The following RCC1L variants were observed in gnomAD, a reference collection of about 807,000 sequenced individuals.
RCC1L encodes the protein RCC1 like.
Under a neutral mutation model 58.6 loss-of-function variants are expected in RCC1L, and 46 were observed. The ratio of observed to expected loss-of-function variants is 0.79; its 90% CI spans 0.62 to 1.00. The LOEUF (loss-of-function observed/expected upper bound fraction) is 1.00, where lower values mean the gene tolerates loss of function less well. RCC1L is among the 50% of genes least tolerant of loss of function. The pLI is 0.00. For synonymous variants in RCC1L, 281 were observed against 262.9 expected (o/e 1.07, Z -0.67); for missense variants, 636 against 623.6 (o/e 1.02, Z -0.21).
chr7:75,071,012 C>T (rs1276672231), intron 1 of RCC1L, among the ~76,000 whole-genome samples: 4 of 152,044 alleles, frequency 2.6e-5, no homozygotes, highest in African/African-American at 9.7e-5. Flanking sequence ...GTGCACACCA[C>T]GTCTGGCTAA....
chr7:75,073,458 G>A lies in RCC1L; in HGVS notation c.280C>T (p.Arg94Cys), dbSNP rs1463031520. 17 of 1,371,400 alleles carry A rather than the reference G, an allele frequency of 1.2e-5. No individual in the cohort carries two copies. The highest frequency in any genetic ancestry group is 1.5e-5 in the African/African-American group (1 of 65,234). 85.0% of individuals were successfully genotyped at this position (1,371,400 alleles called of 1,614,324 possible). Residue 94 changes from arginine (R) to cysteine (C), a missense_variant, in exon 1 of 11, where the codon CGC (arginine) becomes TGC (cysteine). Physicochemically the swap from Arg to Cys is radical, Grantham distance 180. Coordinates refer to ENST00000610322, the MANE Select transcript of RCC1L (RefSeq NM_030798.5). The stretch of plus-strand genomic sequence containing the variant: ...CGATAGGGCACGGGCTGGATCCTGC[G>A]GCGCGGTCGGGCGCCGGCGCGGGGC... The part of the protein sequence containing the change: ...PGPRAGARPR[R>C]RIQPVPYRLE...
chr7:75,067,058 T>C (rs1194536886), intron 2 of RCC1L, among the ~76,000 whole-genome samples: 2 of 152,018 alleles, frequency 1.3e-5, no homozygotes, highest in East Asian at 1.9e-4. Flanking sequence ...TCCCAGCACT[T>C]TGGGAGGCCG....
chr7:75,055,789 C>T (rs1426410909), intron 9 of RCC1L, 112 bp downstream of exon 9: 27 of 1,274,822 alleles, frequency 2.1e-5, no homozygotes, highest in Middle Eastern at 2.0e-4. Flanking sequence ...AGTACAAAGG[C>T]GCCGTTCTGT....
At chr7:75,046,011 A>T (rs1174561901) in intron 10 of RCC1L, among the ~76,000 whole-genome samples, 1 of 152,244 alleles carries the variant, frequency 6.6e-6, no homozygotes, top group African/African-American at 2.4e-5. Flanking sequence ...TACCGAGCTT[A>T]AGAGGGAAAC....
chr7:75,055,292 G>GAC (rs1468747413), intron 9 of RCC1L, among the ~76,000 whole-genome samples: 53 of 152,122 alleles, frequency 3.5e-4, no homozygotes, highest in African/African-American at 1.2e-3. Context: ...CCAAGAAAAG[G>GAC]ACACATTCCT....
chr7:75,057,907 T>C, intron 7 of RCC1L: 4 of 407,174 alleles, frequency 9.8e-6, no homozygotes, highest in South Asian at 4.2e-5. Context: ...CCTGTAATCC[T>C]AGCACTCTGG....
At chr7:75,036,569 G>A (rs2131970464) in intron 10 of RCC1L, among the ~76,000 whole-genome samples, 1 of 152,090 alleles carries the variant, frequency 6.6e-6, no homozygotes, top group South Asian at 2.1e-4. Context: ...AGGAGCACGT[G>A]GTTTATCAAT....
At chr7:75,052,244 C>T (rs1193352706) in intron 10 of RCC1L, among the ~76,000 whole-genome samples, 3 of 152,216 alleles carry the variant, frequency 2.0e-5, no homozygotes, top group Non-Finnish European at 4.4e-5. Flanking sequence ...ACATGGGCTT[C>T]TGTAAACAGC....
intron 10 of RCC1L, among the ~76,000 whole-genome samples, chr7:75,034,471 G>A (rs976852417): frequency 6.6e-5 from 10 of 152,048 alleles, no homozygotes; most frequent in South Asian, 2.1e-4. Flanking sequence ...AGCTGAGATC[G>A]CGCCACTGCA....
Position 75,042,562 on chromosome 7 carries a change from A to C in RCC1L, c.*470T>G, listed in dbSNP as rs1805597699. 1.0e-6 allele frequency: 1 copy of C among 999,832 alleles called. No individual in the cohort carries two copies. Among genetic ancestry groups the C allele is most frequent in the Non-Finnish European group, 1.2e-6 (1 of 837,996 alleles). The allele number at this position is 999,832 out of a possible 1,614,324, so 61.9% of individuals were successfully genotyped here. On this transcript the variant is annotated 3_prime_UTR_variant, in exon 11 of 11. Coordinates refer to ENST00000610322, the MANE Select transcript of RCC1L (RefSeq NM_030798.5). ...CATGAGCAGGGTGGCCTGAATGAAAACCGAGGGCCGAAGCCAGCCTGACTC... is the reference window on the plus strand; with the variant it reads ...CATGAGCAGGGTGGCCTGAATGAAACCCGAGGGCCGAAGCCAGCCTGACTC...
At position 75,068,938 on chromosome 7, in the gene RCC1L, CG is replaced by C. The variant is rs1349008027; in HGVS notation, c.454+1701del. Among the ~76,000 whole-genome samples, 12 of 151,978 alleles carry C rather than the reference CG, an allele frequency of 7.9e-5. No individual in the cohort carries two copies. In the South Asian group the frequency reaches 1.7e-3, roughly 21 times the overall value. On this transcript the variant is annotated intron_variant, in intron 2 of 10. Coordinates refer to ENST00000610322, the MANE Select transcript of RCC1L (RefSeq NM_030798.5). ...AGGCTGGAGGGCAGTGGTGCGATCT[CG>C]GCTCACTGCAACCTCTGCCTCCCAG...
chr7:75,048,083 A>G (rs1805788598), intron 10 of RCC1L, among the ~76,000 whole-genome samples: 1 of 150,968 alleles, frequency 6.6e-6, no homozygotes, highest in Admixed American at 6.6e-5. Flanking sequence ...CCTGGGCAAC[A>G]TGGTGAAACC....
chr7:75,038,524 C>T (rs1301166064), downstream of RCC1L, among the ~76,000 whole-genome samples: 2 of 149,480 alleles, frequency 1.3e-5, no homozygotes, highest in Non-Finnish European at 3.0e-5. Flanking sequence ...ACCTCCGCTT[C>T]CCGCCTTTTT....
downstream of RCC1L, among the ~76,000 whole-genome samples, chr7:75,041,747 G>A (rs893672063): frequency 1.7e-4 from 25 of 151,214 alleles, no homozygotes; most frequent in East Asian, 3.9e-4. Context: ...ACTTGTAGTC[G>A]CAGCTACTCG....
intron 6 of RCC1L, 23 bp from the exon 7 acceptor site, chr7:75,058,792 T>A: frequency 6.2e-7 from 1 of 1,613,696 alleles, no homozygotes; most frequent in African/African-American, 1.3e-5. Context: ...AAAATACAGA[T>A]TTTTAATTAT....
intron 10 of RCC1L, among the ~76,000 whole-genome samples, chr7:75,031,615 AAC>A (rs1194285331): frequency 6.6e-6 from 1 of 151,864 alleles, no homozygotes; most frequent in Non-Finnish European, 1.5e-5. Context: ...TGGTCGGGGG[AAC>A]ACAGGCCAGG....
exon 11 of RCC1L, chr7:75,027,975 T>G: frequency 6.6e-7 from 1 of 1,512,194 alleles, no homozygotes; most frequent in Non-Finnish European, 8.9e-7. Flanking sequence ...TCAGAGGGGC[T>G]CCATCCGCAG....
chr7:75,043,261 A>G, intron 10 of RCC1L, 152 bp from the exon 11 acceptor site: 4 of 915,660 alleles, frequency 4.4e-6, no homozygotes, highest in Non-Finnish European at 6.9e-6. Flanking sequence ...AGTAGGAGAC[A>G]GCTTCTCTGA....
At position 75,052,699 on chromosome 7, in the gene RCC1L, G is replaced by A. The variant is rs782427135; in HGVS notation, c.1317+12C>T. On this transcript the variant is annotated intron_variant, in intron 10 of 10. Transcript: ENST00000610322. ...TAGCATCCATTCTCAAGACCTCCCC[G>A]GCCAGCCTTACCCTCCATGGGAAAT... 4.0e-5 allele frequency: 65 copies of A among 1,606,176 alleles called. No homozygotes were observed. Among genetic ancestry groups the A allele is most frequent in the African/African-American group, 8.0e-5 (6 of 74,844 alleles).
Sources: allele counts gnomAD v4.1 joint callset (sites outside exome capture counted in the v4.1 genomes callset), GRCh38; gene constraint gnomAD v4.1.1; transcripts MANE v1.5; gene names NCBI Gene and HGNC (gene_info 2026-07-23, HGNC 2026-07-21).